The following KCNIP4 variants were observed in gnomAD, a reference collection of about 807,000 sequenced individuals.
KCNIP4 encodes the protein Kv channel-interacting protein 4.
Under a neutral mutation model 34.0 loss-of-function variants are expected in KCNIP4, and 12 were observed. The observed-to-expected ratio is 0.35, with a 90% CI of 0.23 to 0.57. KCNIP4 has a LOEUF of 0.57. Ranked by LOEUF, KCNIP4 falls within the 20% of genes least tolerant of loss-of-function variation. The pLI is 0.83. For missense variants in KCNIP4, 238 were observed against 311.7 expected, an observed-to-expected ratio of 0.76 and a Z score of 1.78; for synonymous variants, 124 against 102.2, an observed-to-expected ratio of 1.21 and a Z score of -1.29.
chr4:21,764,663 C>T (rs1254707205), intron 1 of KCNIP4, among the ~76,000 whole-genome samples: 6 of 152,024 alleles, frequency 3.9e-5, no homozygotes, highest in Non-Finnish European at 8.8e-5. Context: ...TGCTCCACAT[C>T]CCTGGAAGGA....
intron 1 of KCNIP4, among the ~76,000 whole-genome samples, chr4:21,756,392 A>G (rs1294169987): frequency 6.6e-6 from 1 of 152,054 alleles, no homozygotes; most frequent in African/African-American, 2.4e-5. Context: ...CATGTCTACT[A>G]AAAATACAAA....
rs530770097 is a variant in KCNIP4, at chr4:21,458,127, A to G, written c.61+490444T>C. Reference sequence around the variant, plus strand: ...CATCTAGCATTAGGTATATCTCCCAATGCTATCCCTCCCCCCTCCCCCCAC... The same window carrying G: ...CATCTAGCATTAGGTATATCTCCCAGTGCTATCCCTCCCCCCTCCCCCCAC... On this transcript the variant is annotated intron_variant, in intron 1 of 8. Coordinates refer to ENST00000382152, the MANE Select transcript of KCNIP4 (RefSeq NM_025221.6). Among the ~76,000 whole-genome samples the G allele has an allele frequency of 3.0e-3, 427 of 141,324 alleles. 1 individual carries two copies. Among genetic ancestry groups the G allele is most frequent in the Middle Eastern group, 0.011 (3 of 278 alleles). The allele number at this position is 141,324 out of a possible 152,430, so 92.7% of individuals were successfully genotyped here.
At chr4:21,487,293 G>A (rs1732002278) in intron 1 of KCNIP4, among the ~76,000 whole-genome samples, 1 of 152,008 alleles carries the variant, frequency 6.6e-6, no homozygotes, top group South Asian at 2.1e-4. Flanking sequence ...CTTGTATAAT[G>A]TCCTTTAGTT....
chr4:21,653,760 C>A (rs1475436369), intron 1 of KCNIP4, among the ~76,000 whole-genome samples: 1 of 152,272 alleles, frequency 6.6e-6, no homozygotes, highest in Non-Finnish European at 1.5e-5. Flanking sequence ...ATTATAAGCA[C>A]AGTAAAGGAT....
At chr4:21,819,618 G>T (rs1440881298) in intron 1 of KCNIP4, among the ~76,000 whole-genome samples, 1 of 152,102 alleles carries the variant, frequency 6.6e-6, no homozygotes, top group Non-Finnish European at 1.5e-5. Context: ...AAAAGAAGAA[G>T]AATCTCAGAT....
chr4:21,821,089 T>G (rs2109289491), intron 1 of KCNIP4, among the ~76,000 whole-genome samples: 1 of 152,240 alleles, frequency 6.6e-6, no homozygotes, highest in Middle Eastern at 3.4e-3. Context: ...TAAAATGCAG[T>G]TCTCAGTGTT....
At position 20,749,664 on chromosome 4, in the gene KCNIP4, C is replaced by T. The variant is rs1386121373; in HGVS notation, c.427G>A (p.Glu143Lys). ...DTDHNGAVSFEDFIKGLSILL... is the reference protein window; with the variant it reads ...DTDHNGAVSFKDFIKGLSILL... ...TATGAAAATAATCCAGAGCTTACCT[C>T]GAAACTCACAGCTCCATTGTGGTCT... The change falls in exon 5 of 9, where the codon GAG (glutamate) becomes AAG (lysine). Residue 143 changes from glutamate (E) to lysine (K), a missense_variant and splice_region_variant. Glu to Lys is a moderately conservative substitution (Grantham distance 56). Transcript: ENST00000382152. 3 of 1,598,366 alleles carry T rather than the reference C, an allele frequency of 1.9e-6. No homozygotes were observed. The highest frequency in any genetic ancestry group is 2.2e-5 in the South Asian group (2 of 89,780).
intron 1 of KCNIP4, among the ~76,000 whole-genome samples, chr4:21,146,473 C>T (rs757140665): frequency 1.3e-5 from 2 of 152,138 alleles, no homozygotes; most frequent in Non-Finnish European, 2.9e-5. Flanking sequence ...AGCTCAGCTA[C>T]CAGCATTTAT....
At chr4:21,925,767 C>T (rs757211526) in intron 1 of KCNIP4, among the ~76,000 whole-genome samples, 53 of 152,248 alleles carry the variant, frequency 3.5e-4, no homozygotes, top group African/African-American at 1.1e-3. Flanking sequence ...TAATATCTAG[C>T]GGTCCACTAT....
intron 1 of KCNIP4, among the ~76,000 whole-genome samples, chr4:21,658,953 G>T (rs1455118776): frequency 6.6e-6 from 1 of 152,130 alleles, no homozygotes; most frequent in Admixed American, 6.5e-5. Context: ...AAGTCAGTTT[G>T]CCAATGTATT....
At chr4:21,944,556 C>CAAAAAAAAAAAAAAAAAAAAAAAAAAAAA in intron 1 of KCNIP4, among the ~76,000 whole-genome samples, 1 of 104,436 alleles carries the variant, frequency 9.6e-6, no homozygotes, top group Non-Finnish European at 1.9e-5. Flanking sequence ...GACTCCGTCT[C>CAAAAAAAAAAAAAAAAAAAAAAAAAAAAA]AAAAAAAAAA....
chr4:21,426,699 T>C (rs1399363519), intron 1 of KCNIP4, among the ~76,000 whole-genome samples: 1 of 152,104 alleles, frequency 6.6e-6, no homozygotes, highest in Non-Finnish European at 1.5e-5. Flanking sequence ...TTTATTTATT[T>C]AACAAATATT....
chr4:21,803,264 T>C (rs749634571), intron 1 of KCNIP4, among the ~76,000 whole-genome samples: 4 of 152,150 alleles, frequency 2.6e-5, no homozygotes, highest in African/African-American at 4.8e-5. Context: ...TATACAGTCT[T>C]ATTTATTTTA....
At chr4:21,655,710 A>G (rs970922057) in intron 1 of KCNIP4, among the ~76,000 whole-genome samples, 2 of 152,238 alleles carry the variant, frequency 1.3e-5, no homozygotes, top group Non-Finnish European at 2.9e-5. Flanking sequence ...TATCCTACAG[A>G]AGATGGCACA....
intron 1 of KCNIP4, among the ~76,000 whole-genome samples, chr4:21,283,782 C>A (rs1762931439): frequency 1.3e-5 from 2 of 151,074 alleles, no homozygotes; most frequent in South Asian, 2.1e-4. Context: ...CACATGTACC[C>A]TAAAGCTTAA....
At chr4:21,692,638 A>G (rs535261253) in intron 1 of KCNIP4, among the ~76,000 whole-genome samples, 23 of 152,274 alleles carry the variant, frequency 1.5e-4, no homozygotes, top group Non-Finnish European at 2.6e-4. Context: ...AATAATAAAA[A>G]TTTTACATGA....
chr4:20,972,964 A>G (rs1735122426), intron 1 of KCNIP4, among the ~76,000 whole-genome samples: 1 of 152,234 alleles, frequency 6.6e-6, no homozygotes, highest in African/African-American at 2.4e-5. Context: ...AACTTCTTCT[A>G]GAAGGGCAAA....
At chr4:21,015,717 A>T (rs1235858294) in intron 1 of KCNIP4, among the ~76,000 whole-genome samples, 2 of 134,444 alleles carry the variant, frequency 1.5e-5, no homozygotes, top group African/African-American at 2.8e-5. Context: ...AATTATATAT[A>T]TTTTTATTTC....
At chr4:21,065,068 A>G (rs1190154282) in intron 1 of KCNIP4, among the ~76,000 whole-genome samples, 2 of 152,228 alleles carry the variant, frequency 1.3e-5, no homozygotes, top group Non-Finnish European at 2.9e-5. Flanking sequence ...CCACTCTGTC[A>G]TGGGAACTCC....
Sources: gnomAD v4.1 joint callset for allele counts (sites outside exome capture counted in the v4.1 genomes callset) on GRCh38, gnomAD v4.1.1 for gene constraint, MANE v1.5 for transcripts, NCBI Gene and HGNC (gene_info 2026-07-23, HGNC 2026-07-21) for gene names.